The following PSD3 variants were observed in gnomAD, a reference collection of about 807,000 sequenced individuals.
PSD3 encodes the protein pleckstrin and Sec7 domain containing 3, also known as PH and SEC7 domain-containing protein 3.
A neutral mutation model predicts 105.5 loss-of-function variants in PSD3; 49 were observed. The ratio of observed to expected loss-of-function variants is 0.46; its 90% CI spans 0.37 to 0.59. The LOEUF (loss-of-function observed/expected upper bound fraction) is 0.59, where lower values mean the gene tolerates loss of function less well. Ranked by LOEUF, PSD3 falls within the 20% of genes least tolerant of loss-of-function variation. The pLI is 0.00. For missense variants in PSD3, 1,561 were observed against 1,263.8 expected (o/e 1.24, Z -3.57); for synonymous variants, 557 against 457.8 (o/e 1.22, Z -2.77).
At chr8:18,703,377 G>C (rs915553877) in intron 9 of PSD3, among the ~76,000 whole-genome samples, 3 of 152,084 alleles carry the variant, frequency 2.0e-5, no homozygotes, top group African/African-American at 7.2e-5. Flanking sequence ...GGTATGAAAA[G>C]GTGCTCATTA....
At chr8:18,624,400 G>C (rs1221706695) in intron 11 of PSD3, among the ~76,000 whole-genome samples, 2 of 151,458 alleles carry the variant, frequency 1.3e-5, no homozygotes, top group Admixed American at 1.3e-4. Flanking sequence ...TTCATTTTCT[G>C]AGCATGGCCT....
At chr8:18,989,658 T>G (rs13255513) in intron 1 of PSD3, among the ~76,000 whole-genome samples, 46,913 of 152,082 alleles carry the variant, frequency 0.31, 7,452 homozygotes, top group Non-Finnish European at 0.35. Context: ...CTTACATAAC[T>G]TGCATCATCT....
Position 18,589,614 on chromosome 8 carries a change from G to A in PSD3, c.2481+10750C>T, listed in dbSNP as rs1803447901. ...TTATAAAAATGTTGTTTACAAAGCT[G>A]CTCTGGTAATATGTAAAATGTTAAT... On this transcript the variant is annotated intron_variant, in intron 12 of 15. Transcript: ENST00000327040. 2.0e-5 allele frequency among the ~76,000 whole-genome samples: 3 copies of A among 152,292 alleles called. No homozygotes were observed. In the South Asian group the frequency reaches 6.2e-4, roughly 32 times the overall value.
chr8:18,940,052 G>C (rs1586481260), intron 1 of PSD3: 2 of 152,132 alleles, frequency 1.3e-5, no homozygotes, highest in African/African-American at 4.8e-5. Flanking sequence ...TACTACCCTA[G>C]AGTGGTTCTC....
At chr8:18,747,409 G>C (rs1045269130) in intron 9 of PSD3, among the ~76,000 whole-genome samples, 4 of 152,176 alleles carry the variant, frequency 2.6e-5, no homozygotes, top group Non-Finnish European at 5.9e-5. Flanking sequence ...ACCAGAAGTG[G>C]ACATGACTGA....
chr8:18,555,867 T>C (rs1281648436), intron 15 of PSD3, among the ~76,000 whole-genome samples: 1 of 152,196 alleles, frequency 6.6e-6, no homozygotes, highest in African/African-American at 2.4e-5. Context: ...TTGACTCCAA[T>C]TCTGCCGGAA....
chr8:18,872,249 C>A lies in PSD3; in HGVS notation c.615G>T (p.Thr205=). Reference sequence around the variant, plus strand: ...GGATGCTCAAATAAAAACTTTCCTCCGTTGTTACTTCAGCTGAAAGAGGTA... The same window carrying A: ...GGATGCTCAAATAAAAACTTTCCTCAGTTGTTACTTCAGCTGAAAGAGGTA... ...PEIPLSAEVT[T]EESFYLSIQK... is the part of the protein sequence containing the mutation. The change falls in exon 3 of 16, where the codon ACG becomes ACT. Residue 205 remains threonine, a synonymous_variant. Transcript: ENST00000327040. The A allele has an allele frequency of 6.2e-7, 1 of 1,614,190 alleles. No individual in the cohort carries two copies. The highest frequency in any genetic ancestry group is 1.6e-4 in the Middle Eastern group (1 of 6,062).
intron 9 of PSD3, among the ~76,000 whole-genome samples, chr8:18,698,425 C>T (rs1476815475): frequency 1.3e-5 from 2 of 151,992 alleles, no homozygotes; most frequent in Non-Finnish European, 2.9e-5. Flanking sequence ...AGCCTCACAG[C>T]GTTCTTACAA....
intron 14 of PSD3, 65 bp from the exon 15 acceptor site, chr8:18,556,417 T>C: frequency 6.6e-7 from 1 of 1,517,694 alleles, no homozygotes. Context: ...AAGCACAGCA[T>C]ACTTTAAAAA....
At chr8:18,643,308 G>A (rs1157815506) in intron 10 of PSD3, among the ~76,000 whole-genome samples, 1 of 152,158 alleles carries the variant, frequency 6.6e-6, no homozygotes, top group Non-Finnish European at 1.5e-5. Flanking sequence ...CTCTTATGAA[G>A]CCTTGCCTAA....
At chr8:18,965,611 C>T (rs1824190295) in intron 1 of PSD3, among the ~76,000 whole-genome samples, 1 of 152,138 alleles carries the variant, frequency 6.6e-6, no homozygotes, top group Non-Finnish European at 1.5e-5. Context: ...AAAGCTGAGT[C>T]CCCACAGATA....
At chr8:18,571,689 T>C (rs888983408) in intron 14 of PSD3, among the ~76,000 whole-genome samples, 1 of 152,200 alleles carries the variant, frequency 6.6e-6, no homozygotes, top group African/African-American at 2.4e-5. Flanking sequence ...TCATTGATAA[T>C]TGCTCCCTCT....
At chr8:18,897,165 G>A (rs1273849196) in intron 2 of PSD3, among the ~76,000 whole-genome samples, 1 of 152,032 alleles carries the variant, frequency 6.6e-6, no homozygotes, top group East Asian at 1.9e-4. Flanking sequence ...ATCTCATTAT[G>A]GTTTTGATTT....
chr8:18,590,970 T>G (rs1803559416), intron 12 of PSD3, among the ~76,000 whole-genome samples: 1 of 152,202 alleles, frequency 6.6e-6, no homozygotes, highest in Non-Finnish European at 1.5e-5. Context: ...CACATAGATT[T>G]AAACAGTCTC....
rs1268158374 is a variant in PSD3 at position 18,530,426 on chromosome 8, T to G, written c.*5317A>C. ...CCTGGGATGCCCTGATATACTTTAG[T>G]GCTTGTGATATTTCTTCCAAGTCAA... On this transcript the variant is annotated 3_prime_UTR_variant, in exon 16 of 16. Coordinates refer to ENST00000327040, the MANE Select transcript of PSD3 (RefSeq NM_015310.4). 6.6e-6 allele frequency: 1 copy of G among 152,572 alleles called. No homozygotes were observed. The highest frequency in any genetic ancestry group is 1.5e-5 in the Non-Finnish European group (1 of 68,042). The allele number at this position is 152,572 out of a possible 1,614,324, so 9.5% of individuals were successfully genotyped here.
chr8:18,818,416 C>A (rs934239191), intron 4 of PSD3, among the ~76,000 whole-genome samples: 3 of 151,936 alleles, frequency 2.0e-5, no homozygotes, highest in Non-Finnish European at 4.4e-5. Context: ...ACTAGCGCCT[C>A]CTAGAACCAA....
At chr8:18,967,754 G>A (rs1824370273) in intron 1 of PSD3, among the ~76,000 whole-genome samples, 1 of 152,146 alleles carries the variant, frequency 6.6e-6, no homozygotes, top group East Asian at 1.9e-4. Context: ...GCTGCCAAAA[G>A]AGTCACATGA....
At chr8:18,752,544 T>TA (rs369385697) in intron 9 of PSD3, among the ~76,000 whole-genome samples, 158 of 15,116 alleles carry the variant, frequency 0.01, 2 homozygotes, top group South Asian at 0.1. Flanking sequence ...ATATTATATA[T>TA]ATTATATATA....
intron 1 of PSD3, among the ~76,000 whole-genome samples, chr8:18,993,583 A>C (rs865935539): frequency 6.6e-6 from 1 of 152,068 alleles, no homozygotes; most frequent in African/African-American, 2.4e-5. Flanking sequence ...AGTAACAATA[A>C]ATTGTAATAC....
Sources: gnomAD v4.1 joint callset for allele counts (sites outside exome capture counted in the v4.1 genomes callset) on GRCh38, gnomAD v4.1.1 for gene constraint, MANE v1.5 for transcripts, NCBI Gene and HGNC (gene_info 2026-07-23, HGNC 2026-07-21) for gene names.